Variants in DYTN observed in about 807,000 individuals in gnomAD.
DYTN encodes the protein dystrotelin.
Under a neutral mutation model 69.6 loss-of-function variants are expected in DYTN, and 75 were observed. The observed-to-expected ratio is 1.08, with a 90% CI of 0.89 to 1.31. The LOEUF is 1.31. Among genes scored for constraint, DYTN ranks in the 50% most tolerant of loss-of-function variants. DYTN has a pLI of 0.00. For missense variants in DYTN, 726 were observed against 688.4 expected (o/e 1.05, Z -0.61); for synonymous variants, 252 against 249.1 (o/e 1.01, Z -0.11).
chr2:206,658,347 TCTTA>T (rs1170296616), intron 11 of DYTN, among the ~76,000 whole-genome samples: 1 of 152,170 alleles, frequency 6.6e-6, no homozygotes, highest in Admixed American at 6.5e-5. Flanking sequence ...ATTTTGGAGC[TCTTA>T]CTTCTTTGTT....
At chr2:206,698,494 C>G (rs1418993745) in intron 7 of DYTN, among the ~76,000 whole-genome samples, 1 of 152,172 alleles carries the variant, frequency 6.6e-6, no homozygotes, top group African/African-American at 2.4e-5. Flanking sequence ...CGGGAACCCT[C>G]AGTTTTGCCT....
chr2:206,678,467 T>C (rs1699715776), intron 9 of DYTN, among the ~76,000 whole-genome samples: 1 of 152,228 alleles, frequency 6.6e-6, no homozygotes, highest in Admixed American at 6.5e-5. Context: ...AAGGAAATAA[T>C]TGGAGATGTT....
chr2:206,703,336 AG>A (rs1699994136), intron 5 of DYTN, among the ~76,000 whole-genome samples: 1 of 152,102 alleles, frequency 6.6e-6, no homozygotes, highest in Non-Finnish European at 1.5e-5. Flanking sequence ...CAGCCTTCCC[AG>A]GCCCCCACCT....
At chr2:206,655,234 T>G (rs1019360611) in intron 11 of DYTN, among the ~76,000 whole-genome samples, 3 of 146,238 alleles carry the variant, frequency 2.1e-5, no homozygotes, top group African/African-American at 7.6e-5. Context: ...ATATCTATTG[T>G]GATGATTGTG....
At chr2:206,652,157 C>T (rs953863710) in intron 11 of DYTN, among the ~76,000 whole-genome samples, 5 of 152,316 alleles carry the variant, frequency 3.3e-5, no homozygotes, top group East Asian at 1.9e-4. Context: ...TTGCACAAAT[C>T]GGAGTAGCCA....
chr2:206,651,962 C>A (rs777212248), intron 11 of DYTN, 41 bp from the exon 12 acceptor site: 1 of 1,549,000 alleles, frequency 6.5e-7, no homozygotes, highest in Non-Finnish European at 8.8e-7. Context: ...AGAAACATAC[C>A]GGTAGCTTCT....
intron 5 of DYTN, among the ~76,000 whole-genome samples, chr2:206,703,619 G>A (rs1401295937): frequency 6.6e-6 from 1 of 152,042 alleles, no homozygotes; most frequent in Non-Finnish European, 1.5e-5. Flanking sequence ...TATTAATATT[G>A]AAACCAAATC....
intron 9 of DYTN, among the ~76,000 whole-genome samples, chr2:206,668,373 G>C (rs1699596636): frequency 6.6e-6 from 1 of 152,126 alleles, no homozygotes; most frequent in Non-Finnish European, 1.5e-5. Flanking sequence ...TTCTTCTTCT[G>C]CTTCTTTTTA....
intron 9 of DYTN, 52 bp downstream of exon 9, chr2:206,693,123 A>G (rs1450988458): frequency 6.5e-7 from 1 of 1,548,412 alleles, no homozygotes; most frequent in African/African-American, 1.4e-5. Context: ...CATAACACCC[A>G]GGGCCCTTGG....
At chr2:206,652,256 T>C (rs1299583696) in intron 11 of DYTN, among the ~76,000 whole-genome samples, 2 of 152,168 alleles carry the variant, frequency 1.3e-5, no homozygotes, top group East Asian at 3.9e-4. Flanking sequence ...GGACCACACC[T>C]ACAGAGTTCA....
intron 5 of DYTN, among the ~76,000 whole-genome samples, chr2:206,702,497 T>C (rs1699985648): frequency 6.6e-6 from 1 of 152,242 alleles, no homozygotes; most frequent in African/African-American, 2.4e-5. Context: ...GTACTTTAAA[T>C]TGATAATAAT....
At chr2:206,666,676 G>C (rs916507405) in intron 9 of DYTN, among the ~76,000 whole-genome samples, 1 of 151,924 alleles carries the variant, frequency 6.6e-6, no homozygotes. Flanking sequence ...TTCTCTTTTT[G>C]TCTAGTTGTT....
chr2:206,672,246 A>C (rs1025620753), intron 9 of DYTN, among the ~76,000 whole-genome samples: 1 of 146,358 alleles, frequency 6.8e-6, no homozygotes, highest in African/African-American at 2.7e-5. Flanking sequence ...TTTTTTAATA[A>C]AAATATGTTA....
Position 206,693,326 on chromosome 2 carries a change from G to A in DYTN, c.832-3C>T. On this transcript the variant is annotated splice_region_variant and splice_polypyrimidine_tract_variant and intron_variant, in intron 8 of 11. Coordinates refer to ENST00000452335, the MANE Select transcript of DYTN (RefSeq NM_001093730.1). ...TTTGTATTCTGCATTGCTGACATCT[G>A]CTGAAAGGGCCAACATTTTTAAAAA... 2 of 1,610,562 alleles carry A rather than the reference G, an allele frequency of 1.2e-6. No homozygotes were observed. Among genetic ancestry groups the A allele is most frequent in the Non-Finnish European group, 1.7e-6 (2 of 1,179,658 alleles).
intron 9 of DYTN, among the ~76,000 whole-genome samples, chr2:206,671,489 G>A (rs959580448): frequency 6.6e-5 from 10 of 152,052 alleles, no homozygotes; most frequent in Non-Finnish European, 1.0e-4. Flanking sequence ...TTGAATCAGC[G>A]AACTTTACAT....
rs191479294 is a variant in DYTN, at chr2:206,678,311, T to C, written c.981-12282A>G. Among the ~76,000 whole-genome samples the C allele has an allele frequency of 2.0e-3, 304 of 152,310 alleles. 2 individuals are homozygous for C. Among genetic ancestry groups the C allele is most frequent in the African/African-American group, 6.9e-3 (288 of 41,574 alleles). On this transcript the variant is annotated intron_variant, in intron 9 of 11. Transcript: ENST00000452335. ...ATTAAAACAAGGCGATAGTCAATAT[T>C]AGCAAGGATCTTGTGAGAAAGGTGC... is the stretch of plus-strand genomic sequence containing the variant.
chr2:206,670,494 C>G (rs1699618584), intron 9 of DYTN: 2 of 152,124 alleles, frequency 1.3e-5, no homozygotes, highest in South Asian at 2.1e-4. Flanking sequence ...CTCCTATCTT[C>G]TTTCTCTATG....
intron 3 of DYTN, among the ~76,000 whole-genome samples, chr2:206,706,495 TA>T (rs77632434): frequency 0.19 from 27,255 of 144,844 alleles, 2,853 homozygotes; most frequent in African/African-American, 0.3. Flanking sequence ...TAAAAAAAAT[TA>T]AAAAAAAAAA....
At chr2:206,711,814 AC>A (rs1282493537) in intron 1 of DYTN, among the ~76,000 whole-genome samples, 2 of 129,288 alleles carry the variant, frequency 1.5e-5, no homozygotes, top group Non-Finnish European at 1.6e-5. Context: ...CAATTCTCTT[AC>A]CTTTCTTAAG....
Sources: gnomAD v4.1 joint callset for allele counts (sites outside exome capture counted in the v4.1 genomes callset) on GRCh38, gnomAD v4.1.1 for gene constraint, MANE v1.5 for transcripts, NCBI Gene and HGNC (gene_info 2026-07-23, HGNC 2026-07-21) for gene names.